KSR2: variants seen among roughly 807,000 people sequenced by gnomAD.
KSR2 encodes kinase suppressor of ras 2.
KSR2 carries 25 observed loss-of-function variants against 107.8 expected under a neutral mutation model. That is an observed-to-expected ratio of 0.23 (90% CI 0.17 to 0.32). The LOEUF (loss-of-function observed/expected upper bound fraction) is 0.32, where lower values mean the gene tolerates loss of function less well. Ranked by LOEUF, KSR2 falls within the 10% of genes least tolerant of loss-of-function variation. The probability of loss-of-function intolerance (pLI) is 1.00; values close to 1 mark genes in which losing one functional copy is unlikely to be tolerated. For synonymous variants in KSR2, 480 were observed against 507.0 expected, an observed-to-expected ratio of 0.95 and a Z score of 0.71; for missense variants, 887 against 1,268.9, an observed-to-expected ratio of 0.70 and a Z score of 4.57.
chr12:117,657,252 C>T, intron 5 of KSR2, among the ~76,000 whole-genome samples: 1 of 151,760 alleles, frequency 6.6e-6, no homozygotes, highest in Admixed American at 6.6e-5. Context: ...ACTGCTGGGG[C>T]CATCTTGTCA....
chr12:117,532,507 G>C (rs1875724223), intron 10 of KSR2, among the ~76,000 whole-genome samples: 1 of 152,128 alleles, frequency 6.6e-6, no homozygotes, highest in Non-Finnish European at 1.5e-5. Context: ...TATCTTCAAA[G>C]TTCCTACTGT....
At chr12:117,855,600 G>T (rs972373026) in intron 2 of KSR2, 22 bp from the exon 3 acceptor site, 2 of 1,613,308 alleles carry the variant, frequency 1.2e-6, no homozygotes, top group Non-Finnish European at 1.7e-6. Context: ...GAGAAGGATT[G>T]TCAACCGTGG....
chr12:117,771,491 T>C (rs959310607), intron 3 of KSR2, among the ~76,000 whole-genome samples: 11 of 152,324 alleles, frequency 7.2e-5, no homozygotes, highest in Middle Eastern at 3.4e-3. Context: ...GTCATGGGCG[T>C]GCATCTTCAG....
chr12:117,539,793 G>C lies in KSR2; in HGVS notation c.1613C>G (p.Pro538Arg). The change falls in exon 10 of 20, where the codon CCT becomes CGT. Residue 538 changes from proline (P) to arginine (R), a missense_variant. By Grantham distance (103) the Pro-to-Arg change is moderately radical (BLOSUM62 -2). This residue lies in a region of KSR2 where 50 missense variants were observed against 43.4 expected (regional missense o/e 1.15). Coordinates refer to ENST00000339824, the MANE Select transcript of KSR2 (RefSeq NM_173598.6). ...TPSSPAPPLP[P>R]SATPPSPLHP... ...TAGGGGAGAAGGCGGCGTGGCACTA[G>C]GAGGGAGGGGGGGTGCTGGCGAGGA... 6.2e-7 allele frequency: 1 copy of C among 1,607,828 alleles called. No individual in the cohort carries two copies. Among genetic ancestry groups the C allele is most frequent in the Non-Finnish European group, 8.5e-7 (1 of 1,177,976 alleles).
intron 14 of KSR2, among the ~76,000 whole-genome samples, chr12:117,510,408 C>T (rs1413824956): frequency 6.6e-6 from 1 of 152,108 alleles, no homozygotes; most frequent in African/African-American, 2.4e-5. Flanking sequence ...CACTAAGGCT[C>T]AGAGAGGTGA....
At chr12:117,647,589 G>A (rs892534557) in intron 5 of KSR2, among the ~76,000 whole-genome samples, 7 of 152,152 alleles carry the variant, frequency 4.6e-5, no homozygotes, top group African/African-American at 1.7e-4. Flanking sequence ...GAAAATCCAA[G>A]TTATCAAAGC....
At chr12:117,739,649 G>A (rs1888097136) in intron 4 of KSR2, among the ~76,000 whole-genome samples, 1 of 152,250 alleles carries the variant, frequency 6.6e-6, no homozygotes, top group Admixed American at 6.5e-5. Flanking sequence ...TTTTCACTGA[G>A]AGCTCAGTGG....
chr12:117,780,188 A>G (rs1050512954), intron 3 of KSR2, among the ~76,000 whole-genome samples: 5 of 152,232 alleles, frequency 3.3e-5, no homozygotes, highest in Non-Finnish European at 2.9e-5. Context: ...CACAATGAGC[A>G]ATTGGCAATT....
intron 4 of KSR2, among the ~76,000 whole-genome samples, chr12:117,731,476 G>T (rs552295504): frequency 2.6e-5 from 4 of 151,486 alleles, no homozygotes; most frequent in Non-Finnish European, 4.4e-5. Context: ...CCTCTGCCCG[G>T]CCGCCCCATC....
In KSR2 at chr12:117,466,828, C is replaced by A. The variant is rs1592898969; in HGVS notation, c.*371G>T. On this transcript the variant is annotated 3_prime_UTR_variant, in exon 20 of 20. Coordinates refer to ENST00000339824, the MANE Select transcript of KSR2 (RefSeq NM_173598.6). ...GTGAACAACGTCAAACACACAGACA[C>A]ACACACACATAGCCCCGTCTGTGAG... 8.3e-6 allele frequency: 2 copies of A among 239,598 alleles called. No homozygotes were observed. Among genetic ancestry groups the A allele is most frequent in the Non-Finnish European group, 1.6e-5 (2 of 124,314 alleles). 14.8% of individuals were successfully genotyped at this position (239,598 alleles called of 1,614,324 possible). A position where few individuals can be genotyped will look rare whatever the true frequency, so the allele number is the denominator to read the frequency against.
intron 5 of KSR2, among the ~76,000 whole-genome samples, chr12:117,637,477 C>G (rs549687785): frequency 1.3e-5 from 2 of 152,274 alleles, no homozygotes; most frequent in South Asian, 2.1e-4. Context: ...GGTTGAGAAA[C>G]TGATCACATC....
rs549375249 is a variant in KSR2, at chr12:117,847,182, GC to G, written c.472+8245del. 9.8e-4 allele frequency among the ~76,000 whole-genome samples: 150 copies of G among 152,294 alleles called. 1 individual carries two copies. Among genetic ancestry groups the G allele is most frequent in the Middle Eastern group, 3.4e-3 (1 of 294 alleles). ...GGGAGGAGCAGCTCTTCCTCTGCCA[GC>G]CCAGCCTTTCCCAAGTTAGAAGCAA... On this transcript the variant is annotated intron_variant, in intron 3 of 19. Transcript: ENST00000339824.
chr12:117,576,350 C>A (rs1165342996), intron 7 of KSR2, among the ~76,000 whole-genome samples: 3 of 152,164 alleles, frequency 2.0e-5, no homozygotes, highest in Non-Finnish European at 4.4e-5. Flanking sequence ...GAAAATCAGT[C>A]AGCCTGGAGG....
intron 5 of KSR2, among the ~76,000 whole-genome samples, chr12:117,606,451 C>T (rs12422539): frequency 0.072 from 1,440 of 19,868 alleles, 268 homozygotes; most frequent in African/African-American, 0.13. Context: ...CCTCCTTCCT[C>T]CCTCCCTCCC....
intron 3 of KSR2, among the ~76,000 whole-genome samples, chr12:117,828,210 G>C (rs1891827825): frequency 1.3e-5 from 2 of 152,134 alleles, no homozygotes; most frequent in South Asian, 4.1e-4. Flanking sequence ...AGTAACACTT[G>C]GGAAGTGTCA....
intron 18 of KSR2, 62 bp downstream of exon 18, chr12:117,471,129 G>T: frequency 6.3e-7 from 1 of 1,577,402 alleles, no homozygotes; most frequent in Non-Finnish European, 8.6e-7. Flanking sequence ...GTAAAAAGAA[G>T]GCCCATGACT....
At chr12:117,882,660 T>C (rs541580172) in intron 1 of KSR2, among the ~76,000 whole-genome samples, 1 of 151,350 alleles carries the variant, frequency 6.6e-6, no homozygotes, top group East Asian at 2.0e-4. Context: ...TATCCATTTA[T>C]TCATCCAACC....
chr12:117,927,775 A>G (rs183642437), intron 1 of KSR2, among the ~76,000 whole-genome samples: 24 of 152,234 alleles, frequency 1.6e-4, no homozygotes, highest in African/African-American at 5.5e-4. Context: ...ATCAATGTGT[A>G]CTCGTATAAA....
At chr12:117,695,606 G>A (rs1302627872) in intron 4 of KSR2, among the ~76,000 whole-genome samples, 1 of 151,854 alleles carries the variant, frequency 6.6e-6, no homozygotes, top group Non-Finnish European at 1.5e-5. Flanking sequence ...AGCTACTTGG[G>A]GGGCTGAGGT....
Sources: allele counts gnomAD v4.1 joint callset (sites outside exome capture counted in the v4.1 genomes callset), GRCh38; gene constraint gnomAD v4.1.1; regional missense constraint gnomAD v4.1.1; transcripts MANE v1.5; gene names NCBI Gene and HGNC (gene_info 2026-07-23, HGNC 2026-07-21).